Variants in COBL observed in about 807,000 individuals in gnomAD.
COBL encodes the protein protein cordon-bleu.
A neutral mutation model predicts 98.8 loss-of-function variants in COBL; 51 were observed. That is an observed-to-expected ratio of 0.52 (90% CI 0.41 to 0.65). The LOEUF (loss-of-function observed/expected upper bound fraction) is 0.65, where lower values mean the gene tolerates loss of function less well. Ranked by LOEUF, COBL falls within the 30% of genes least tolerant of loss-of-function variation. COBL has a pLI of 0.00. For synonymous variants in COBL, 634 were observed against 651.7 expected, an observed-to-expected ratio of 0.97 and a Z score of 0.41; for missense variants, 1,617 against 1,617.5, an observed-to-expected ratio of 1.00 and a Z score of 0.01.
At chr7:51,208,235 A>G (rs1359507359) in intron 2 of COBL, among the ~76,000 whole-genome samples, 2 of 142,386 alleles carry the variant, frequency 1.4e-5, no homozygotes, top group East Asian at 4.3e-4. Flanking sequence ...TCCGCCCGGC[A>G]GCCGCCCCGT....
chr7:51,112,171 C>G (rs1562927311), intron 6 of COBL, among the ~76,000 whole-genome samples: 1 of 152,110 alleles, frequency 6.6e-6, no homozygotes, highest in Non-Finnish European at 1.5e-5. Flanking sequence ...AGAGGAGAAA[C>G]TAGAATGCCA....
rs780665055 is a variant in COBL at position 51,029,418 on chromosome 7, T to C, written c.1678A>G (p.Arg560Gly). The C allele has an allele frequency of 1.2e-5, 19 of 1,614,056 alleles. No individual in the cohort carries two copies. Among genetic ancestry groups the C allele is most frequent in the South Asian group, 3.3e-5 (3 of 91,088 alleles). Reference protein sequence around the residue: ...DPVDSGLFSNRNNNAGSFDSE... With the variant: ...DPVDSGLFSNGNNNAGSFDSE... Reference sequence around the variant, plus strand: ...TCGAAAGACCCAGCATTGTTGTTTCTATTGGAAAACAACCCCGAATCCACA... The same window carrying C: ...TCGAAAGACCCAGCATTGTTGTTTCCATTGGAAAACAACCCCGAATCCACA... Residue 560 changes from arginine (R) to glycine (G), a missense_variant, in exon 10 of 13, where the codon AGA (arginine) becomes GGA (glycine). Physicochemically the swap from Arg to Gly is moderately radical, Grantham distance 125. Around this residue, in one of 3 missense-constraint regions of COBL, gnomAD observed 1,304 missense variants for 1,282.0 expected, o/e 1.02. Transcript: ENST00000265136.
intron 1 of COBL, among the ~76,000 whole-genome samples, chr7:51,241,809 G>A (rs756374337): frequency 2.6e-5 from 4 of 152,192 alleles, no homozygotes; most frequent in Non-Finnish European, 5.9e-5. Flanking sequence ...GGTCCATCCT[G>A]CAGAGAAGTG....
At chr7:51,165,084 A>G (rs1048069862) in intron 5 of COBL, among the ~76,000 whole-genome samples, 1 of 151,940 alleles carries the variant, frequency 6.6e-6, no homozygotes, top group Admixed American at 6.6e-5. Context: ...GGGAGAGAGG[A>G]CCAGAAAACA....
chr7:51,222,478 C>T (rs1793743287), intron 1 of COBL, among the ~76,000 whole-genome samples: 1 of 152,094 alleles, frequency 6.6e-6, no homozygotes, highest in African/African-American at 2.4e-5. Flanking sequence ...CACACCTTCC[C>T]AATGTCACAG....
In COBL at chr7:51,049,970, T is replaced by C. The variant is rs1790084368; in HGVS notation, c.1097-6278A>G. ...AGGCACAGTTTCCTCCAAGTGAAGT[T>C]TGCCTGTTCATTCCTTGTCAAAATC... is the stretch of plus-strand genomic sequence containing the variant. On this transcript the variant is annotated intron_variant, in intron 7 of 12. Coordinates refer to ENST00000265136, the MANE Select transcript of COBL (RefSeq NM_015198.5). Among the ~76,000 whole-genome samples, 4 of 152,306 alleles carry C rather than the reference T, an allele frequency of 2.6e-5. No homozygotes were observed. The South Asian group carries it at 8.3e-4, about 32-fold the overall frequency.
chr7:51,068,904 A>G (rs1186152534), intron 7 of COBL, among the ~76,000 whole-genome samples: 1 of 152,210 alleles, frequency 6.6e-6, no homozygotes, highest in Non-Finnish European at 1.5e-5. Flanking sequence ...TATTGAACTT[A>G]AGTAACTCAC....
intron 5 of COBL, among the ~76,000 whole-genome samples, chr7:51,144,204 T>C (rs890294813): frequency 1.3e-5 from 2 of 151,988 alleles, no homozygotes; most frequent in Non-Finnish European, 2.9e-5. Flanking sequence ...GCTCAGAAAA[T>C]GGTGATAGAT....
intron 1 of COBL, among the ~76,000 whole-genome samples, chr7:51,297,012 T>C (rs1159774648): frequency 6.6e-6 from 1 of 152,128 alleles, no homozygotes; most frequent in East Asian, 1.9e-4. Context: ...AGGCTGGACG[T>C]CTGAATCACC....
At chr7:51,144,129 G>A (rs897039987) in intron 5 of COBL, among the ~76,000 whole-genome samples, 2 of 152,222 alleles carry the variant, frequency 1.3e-5, no homozygotes, top group Non-Finnish European at 2.9e-5. Flanking sequence ...GGCGGCATGT[G>A]AGCTGACACC....
At chr7:51,049,815 G>A (rs1383552453) in intron 7 of COBL, among the ~76,000 whole-genome samples, 1 of 152,178 alleles carries the variant, frequency 6.6e-6, no homozygotes, top group Admixed American at 6.5e-5. Flanking sequence ...AAATGTTCAG[G>A]AGGCACGGTT....
intron 1 of COBL, among the ~76,000 whole-genome samples, chr7:51,313,955 C>T (rs1448172321): frequency 2.6e-5 from 4 of 152,196 alleles, no homozygotes; most frequent in Non-Finnish European, 4.4e-5. Context: ...AGCCTCTTTC[C>T]TAAAAGAACA....
chr7:51,073,605 C>T (rs1251125354), intron 7 of COBL, among the ~76,000 whole-genome samples: 1 of 152,140 alleles, frequency 6.6e-6, no homozygotes, highest in Non-Finnish European at 1.5e-5. Context: ...ATTCTGCCTC[C>T]TGTAAGAACC....
chr7:51,091,792 T>C (rs892157909), intron 6 of COBL, among the ~76,000 whole-genome samples: 4 of 152,172 alleles, frequency 2.6e-5, no homozygotes, highest in African/African-American at 9.7e-5. Flanking sequence ...AATTGATTCA[T>C]CACTTTCAAG....
chr7:51,170,256 C>A (rs952467987), intron 5 of COBL, among the ~76,000 whole-genome samples: 5 of 151,772 alleles, frequency 3.3e-5, no homozygotes, highest in African/African-American at 9.7e-5. Context: ...TTTCCCCCCA[C>A]AAATTTGATG....
chr7:51,076,028 C>A (rs940735368), intron 7 of COBL, among the ~76,000 whole-genome samples: 1 of 152,198 alleles, frequency 6.6e-6, no homozygotes, highest in Non-Finnish European at 1.5e-5. Flanking sequence ...GGATGCCATG[C>A]CTGCCCCGTG....
chr7:51,026,802 G>A, intron 10 of COBL, 137 bp from the exon 11 acceptor site: 1 of 1,116,272 alleles, frequency 9.0e-7, no homozygotes, highest in Non-Finnish European at 1.3e-6. Context: ...GGAGGCTGTG[G>A]CACCAGAATT....
At chr7:51,093,479 C>T (rs919395887) in intron 6 of COBL, among the ~76,000 whole-genome samples, 1 of 152,170 alleles carries the variant, frequency 6.6e-6, no homozygotes. Flanking sequence ...CCGTGGGATC[C>T]AACCATCCCC....
Position 51,017,439 on chromosome 7 carries a change from G to C in COBL, c.*112C>G. 8.8e-7 allele frequency: 1 copy of C among 1,130,350 alleles called. No individual in the cohort carries two copies. Among genetic ancestry groups the C allele is most frequent in the Non-Finnish European group, 1.3e-6 (1 of 744,574 alleles). 70.0% of individuals were successfully genotyped at this position (1,130,350 alleles called of 1,614,324 possible). ...AAAATCAACTGTGCGCATTTGGCCT[G>C]TAGACAAGAAAGTAACACCAAAACT... On this transcript the variant is annotated 3_prime_UTR_variant, in exon 13 of 13. Coordinates refer to ENST00000265136, the MANE Select transcript of COBL (RefSeq NM_015198.5).
Sources: gnomAD v4.1 joint callset for allele counts (sites outside exome capture counted in the v4.1 genomes callset) on GRCh38, gnomAD v4.1.1 for gene constraint, gnomAD v4.1.1 regional missense constraint, MANE v1.5 for transcripts, NCBI Gene and HGNC (gene_info 2026-07-23, HGNC 2026-07-21) for gene names.